Variants in ADGRV1 observed in about 807,000 individuals in gnomAD.
The protein encoded by ADGRV1 is adhesion G protein-coupled receptor V1, also known as G-protein coupled receptor 98.
Under a neutral mutation model 596.2 loss-of-function variants are expected in ADGRV1, and 359 were observed. The ratio of observed to expected loss-of-function variants is 0.60; its 90% CI spans 0.55 to 0.66. The LOEUF is 0.66. Among genes scored for constraint, ADGRV1 ranks in the 30% least tolerant of loss-of-function variants. The pLI is 0.00. For missense variants in ADGRV1, 7,274 were observed against 7,575.6 expected, an observed-to-expected ratio of 0.96 and a Z score of 1.48; for synonymous variants, 2,681 against 2,679.2, an observed-to-expected ratio of 1.00 and a Z score of -0.02.
intron 53 of ADGRV1, among the ~76,000 whole-genome samples, chr5:90,753,096 T>A (rs1179555694): frequency 1.3e-5 from 2 of 152,178 alleles, no homozygotes; most frequent in Non-Finnish European, 2.9e-5. Context: ...ATGATTTGTA[T>A]CTCTCCCTAT....
intron 43 of ADGRV1, among the ~76,000 whole-genome samples, chr5:90,719,618 A>G (rs1750646107): frequency 6.6e-6 from 1 of 152,074 alleles, no homozygotes; most frequent in Non-Finnish European, 1.5e-5. Flanking sequence ...AAAATAGACC[A>G]CTATTGGTTT....
At chr5:91,083,277 G>T (rs1322058107) in intron 86 of ADGRV1, among the ~76,000 whole-genome samples, 2 of 152,012 alleles carry the variant, frequency 1.3e-5, no homozygotes, top group Non-Finnish European at 2.9e-5. Context: ...AGCATTAGGA[G>T]ATATACCTAA....
chr5:90,819,585 G>A (rs1763263634), intron 75 of ADGRV1, among the ~76,000 whole-genome samples: 1 of 150,714 alleles, frequency 6.6e-6, no homozygotes, highest in South Asian at 2.2e-4. Context: ...ACACTGCTTT[G>A]AATGTGTCCC....
At chr5:90,616,489 A>G (rs1298116047) in intron 2 of ADGRV1, among the ~76,000 whole-genome samples, 2 of 152,148 alleles carry the variant, frequency 1.3e-5, no homozygotes, top group African/African-American at 4.8e-5. Context: ...GGGAAAGAGC[A>G]GTTTCTTTGA....
intron 71 of ADGRV1, among the ~76,000 whole-genome samples, chr5:90,803,220 C>T (rs973344482): frequency 3.9e-5 from 6 of 151,974 alleles, no homozygotes; most frequent in Non-Finnish European, 5.9e-5. Flanking sequence ...GTTTAATATT[C>T]AGACTTTGGT....
chr5:91,084,576 A>T (rs1195423775), intron 86 of ADGRV1, among the ~76,000 whole-genome samples: 1 of 152,216 alleles, frequency 6.6e-6, no homozygotes, highest in Non-Finnish European at 1.5e-5. Context: ...AAGTCAGGAA[A>T]GAACAGGTGC....
chr5:90,685,802 G>A lies in ADGRV1; in HGVS notation c.6297G>A (p.Gly2099=), dbSNP rs1295993641. 1 of 1,609,016 alleles carries A rather than the reference G, an allele frequency of 6.2e-7. No individual in the cohort carries two copies. The highest frequency in any genetic ancestry group is 1.1e-5 in the South Asian group (1 of 90,748). ...SRSIPNSPRL[G]PKVETIAQLI... Reference sequence around the variant, plus strand: ...CAGTTCCAAATTCTCCACGTCTTGGGCCTAAGGTAGAAACTATTGCGCAAC... The same window carrying A: ...CAGTTCCAAATTCTCCACGTCTTGGACCTAAGGTAGAAACTATTGCGCAAC... Residue 2099 remains glycine (G), a synonymous_variant, in exon 29 of 90, where the codon GGG becomes GGA. Transcript: ENST00000405460.
At chr5:91,099,634 G>A (rs551259624) in intron 86 of ADGRV1, among the ~76,000 whole-genome samples, 9 of 152,252 alleles carry the variant, frequency 5.9e-5, no homozygotes, top group East Asian at 5.8e-4. Context: ...AGCGGGGTGC[G>A]GTGGCTCACG....
intron 86 of ADGRV1, among the ~76,000 whole-genome samples, chr5:91,098,582 C>T (rs750108956): frequency 3.3e-5 from 5 of 152,188 alleles, no homozygotes; most frequent in Admixed American, 6.5e-5. Flanking sequence ...TTCTGGAAGG[C>T]AAGCCTGGGA....
intron 79 of ADGRV1, among the ~76,000 whole-genome samples, chr5:90,849,119 A>G (rs1561844443): frequency 6.8e-6 from 1 of 146,980 alleles, no homozygotes; most frequent in Admixed American, 6.9e-5. Flanking sequence ...TTCTGAATAG[A>G]AAAAAAAAGA....
At position 90,889,730 on chromosome 5, in the gene ADGRV1, T is replaced by C. The variant is rs140942324; in HGVS notation, c.17856+25873T>C. On this transcript the variant is annotated intron_variant, in intron 83 of 89. Coordinates refer to ENST00000405460, the MANE Select transcript of ADGRV1 (RefSeq NM_032119.4). ...CTCTTCCATGTACTTGAGAATACCATATTTAATGTATATCAAGTTAAATGA... is the reference window on the plus strand; with the variant it reads ...CTCTTCCATGTACTTGAGAATACCACATTTAATGTATATCAAGTTAAATGA... 7.6e-4 allele frequency among the ~76,000 whole-genome samples: 115 copies of C among 152,264 alleles called. 4 individuals carry two copies. The East Asian group carries it at 0.015, about 20-fold the overall frequency.
chr5:91,101,533 A>G (rs1223621667), intron 86 of ADGRV1, among the ~76,000 whole-genome samples: 1 of 152,208 alleles, frequency 6.6e-6, no homozygotes, highest in Non-Finnish European at 1.5e-5. Flanking sequence ...TATGGTTATT[A>G]TTCTAAAACT....
chr5:91,001,223 A>G (rs752497599), intron 85 of ADGRV1, among the ~76,000 whole-genome samples: 8 of 152,170 alleles, frequency 5.3e-5, no homozygotes, highest in Middle Eastern at 6.8e-3. Context: ...GACTACAGGC[A>G]TGTACCACCA....
intron 18 of ADGRV1, 82 bp downstream of exon 18, chr5:90,651,812 A>G: frequency 1.1e-6 from 1 of 892,482 alleles, no homozygotes; most frequent in Non-Finnish European, 1.7e-6. Context: ...TATTCCTTCA[A>G]AATTTAAAAA....
At chr5:91,009,903 A>C (rs901970021) in intron 85 of ADGRV1, among the ~76,000 whole-genome samples, 2 of 152,074 alleles carry the variant, frequency 1.3e-5, no homozygotes, top group African/African-American at 4.8e-5. Context: ...TAAATTAAGG[A>C]TAGTTGTATA....
At chr5:90,796,941 C>T (rs959228585) in intron 70 of ADGRV1, among the ~76,000 whole-genome samples, 5 of 152,048 alleles carry the variant, frequency 3.3e-5, no homozygotes, top group Non-Finnish European at 7.4e-5. Flanking sequence ...TTGTCACCAC[C>T]AGGCCTGCCT....
At chr5:90,641,945 G>T (rs1241169116) in intron 11 of ADGRV1, among the ~76,000 whole-genome samples, 2 of 152,090 alleles carry the variant, frequency 1.3e-5, no homozygotes, top group East Asian at 3.9e-4. Context: ...TTGGAGATAC[G>T]TAGGAATTGG....
At chr5:91,113,738 G>A (rs1792590425) in intron 87 of ADGRV1, among the ~76,000 whole-genome samples, 1 of 152,034 alleles carries the variant, frequency 6.6e-6, no homozygotes, top group South Asian at 2.1e-4. Flanking sequence ...GGCCAACATG[G>A]TGAAACCCCA....
chr5:90,848,957 G>T, intron 79 of ADGRV1, 136 bp downstream of exon 79: 1 of 571,850 alleles, frequency 1.7e-6, no homozygotes, highest in Non-Finnish European at 2.9e-6. Flanking sequence ...CACTTGGAAA[G>T]TTGAAGTTAA....
Sources: gnomAD v4.1 joint callset for allele counts (sites outside exome capture counted in the v4.1 genomes callset) on GRCh38, gnomAD v4.1.1 for gene constraint, MANE v1.5 for transcripts, NCBI Gene and HGNC (gene_info 2026-07-23, HGNC 2026-07-21) for gene names.